PARVG: variants seen among roughly 807,000 people sequenced by gnomAD.
The protein encoded by PARVG is parvin gamma, also known as gamma-parvin.
A neutral mutation model predicts 44.4 loss-of-function variants in PARVG; 36 were observed. The observed-to-expected ratio is 0.81, with a 90% confidence interval of 0.62 to 1.07. The LOEUF (loss-of-function observed/expected upper bound fraction) is 1.07, where lower values mean the gene tolerates loss of function less well. Ranked by LOEUF, PARVG falls within the 50% of genes least tolerant of loss-of-function variation. The pLI is 0.00. For missense variants in PARVG, 407 were observed against 407.4 expected (o/e 1.00, Z 0.01); for synonymous variants, 170 against 174.1 (o/e 0.98, Z 0.19).
chr22:44,186,235 G>C, intron 4 of PARVG: 1 of 305,614 alleles, frequency 3.3e-6, no homozygotes, highest in South Asian at 2.9e-5. Context: ...GGTTTGACAC[G>C]AGCTGCCAGC....
At chr22:44,193,009 G>T (rs1236976371) in intron 8 of PARVG, among the ~76,000 whole-genome samples, 1 of 152,146 alleles carries the variant, frequency 6.6e-6, no homozygotes, top group Non-Finnish European at 1.5e-5. Flanking sequence ...TGAAGGCTTG[G>T]CTGGGGCTGG....
In PARVG at chr22:44,189,209, C is replaced by T. The variant is rs149519388; in HGVS notation, c.343C>T (p.Arg115Trp). 27 of 1,614,096 alleles carry T rather than the reference C, an allele frequency of 1.7e-5. No individual in the cohort carries two copies. Among genetic ancestry groups the T allele is most frequent in the African/African-American group, 4.0e-5 (3 of 74,944 alleles). Residue 115 changes from arginine to tryptophan, a missense_variant, in exon 6 of 14, where the codon CGG (arginine) becomes TGG (tryptophan). Arg to Trp is a moderately radical substitution (Grantham distance 101, BLOSUM62 -3). Transcript: ENST00000444313. ...CACAGTGGTGCTGGAGGCCGTGAAC[C>T]GGAGTCTGCAGCTGGAGGAGTGGCA... ...KLTVVLEAVN[R>W]SLQLEEWQAK...
upstream of PARVG, among the ~76,000 whole-genome samples, chr22:44,178,908 A>T (rs2054342721): frequency 6.6e-6 from 1 of 152,226 alleles, no homozygotes; most frequent in South Asian, 2.1e-4. Flanking sequence ...GTACTGTGTT[A>T]TGCAGGAGAA....
rs562870064 is a variant in PARVG, at chr22:44,182,208, C to G, written c.-13+291C>G. Among the ~76,000 whole-genome samples, 42 of 152,320 alleles carry G rather than the reference C, an allele frequency of 2.8e-4. No homozygotes were observed. Among genetic ancestry groups the G allele is most frequent in the African/African-American group, 9.9e-4 (41 of 41,572 alleles). The stretch of plus-strand genomic sequence containing the variant: ...GGCCCTGGGGCCAGGAAGGGGCTTG[C>G]CCAGGCTGCTGATCCCTTTGGGCAG... On this transcript the variant is annotated intron_variant, in intron 2 of 13. Coordinates refer to ENST00000444313, the MANE Select transcript of PARVG (RefSeq NM_022141.7). The surrounding 1 kb of genome is among the most constrained non-coding windows in gnomAD (Gnocchi z 4.6).
chr22:44,181,045 C>A lies in PARVG; in HGVS notation c.-329C>A, dbSNP rs757706460. On this transcript the variant is annotated 5_prime_UTR_variant, in exon 1 of 14. Coordinates refer to ENST00000444313, the MANE Select transcript of PARVG (RefSeq NM_022141.7). The stretch of plus-strand genomic sequence containing the variant: ...TTCTCCACCTGCCACGTTCTCACCC[C>A]TTCTTCTTCCACTGCAAACTCCTAT... The A allele has an allele frequency of 4.3e-6, 4 of 931,504 alleles. No individual in the cohort carries two copies. Among genetic ancestry groups the A allele is most frequent in the Non-Finnish European group, 5.1e-6 (4 of 780,966 alleles). The allele number at this position is 931,504 out of a possible 1,614,324, so 57.7% of individuals were successfully genotyped here. A position where few individuals can be genotyped will look rare whatever the true frequency, so the allele number is the denominator to read the frequency against.
chr22:44,175,452 C>T (rs996976754), intron 1 of PARVG, among the ~76,000 whole-genome samples: 7 of 152,370 alleles, frequency 4.6e-5, no homozygotes, highest in East Asian at 1.9e-4. Context: ...CTGTTCCTTC[C>T]GCAAGGACAG....
chr22:44,190,584 A>C lies in PARVG; in HGVS notation c.422A>C (p.His141Pro). The C allele has an allele frequency of 2.5e-6, 4 of 1,613,964 alleles. No individual in the cohort carries two copies. The highest frequency in any genetic ancestry group is 1.1e-5 in the South Asian group (1 of 91,058). ...AACAAGGACCTGTTGTCTACCCTGC[A>C]CCTCCTTGTGGCCCTGGCCAAGCGC... ...IFNKDLLSTL[H>P]LLVALAKRFQ... The change falls in exon 7 of 14, where the codon CAC becomes CCC. Residue 141 changes from histidine (H) to proline (P), a missense_variant. Physicochemically the swap from His to Pro is moderately conservative, Grantham distance 77. Coordinates refer to ENST00000444313, the MANE Select transcript of PARVG (RefSeq NM_022141.7).
intron 4 of PARVG, chr22:44,186,250 A>T: frequency 3.2e-6 from 1 of 315,434 alleles, no homozygotes; most frequent in East Asian, 7.7e-5. Flanking sequence ...GCCAGCCCCT[A>T]AGCCCGTGCT....
At chr22:44,180,686 TTA>T (rs914994238), upstream of PARVG, among the ~76,000 whole-genome samples, 2 of 152,194 alleles carry the variant, frequency 1.3e-5, no homozygotes, top group African/African-American at 4.8e-5. Flanking sequence ...GCCCTTAAAA[TTA>T]TGTTTGTTTC....
chr22:44,192,161 G>T, intron 8 of PARVG, 57 bp downstream of exon 8: 1 of 1,572,094 alleles, frequency 6.4e-7, no homozygotes, highest in Admixed American at 1.7e-5. Flanking sequence ...GTGGATGGGG[G>T]CAGGGTGGGG....
At chr22:44,179,614 G>T (rs937823109), upstream of PARVG, among the ~76,000 whole-genome samples, 1 of 152,140 alleles carries the variant, frequency 6.6e-6, no homozygotes, top group Non-Finnish European at 1.5e-5. This position sits in a 1 kb window ranked among gnomAD's most constrained non-coding sequence, Gnocchi z 4.2. Flanking sequence ...GCCATCACAG[G>T]CTACGATCTA....
chr22:44,193,649 T>A (rs1297720124), intron 8 of PARVG, 152 bp from the exon 9 acceptor site: 1 of 890,004 alleles, frequency 1.1e-6, no homozygotes, highest in African/African-American at 1.7e-5. Context: ...TTCTCTGCTA[T>A]CTGCCCTACC....
At chr22:44,179,184 T>C (rs1399670986), upstream of PARVG, among the ~76,000 whole-genome samples, 1 of 151,902 alleles carries the variant, frequency 6.6e-6, no homozygotes, top group Admixed American at 6.6e-5. The surrounding 1 kb of genome is among the most constrained non-coding windows in gnomAD (Gnocchi z 4.2). Context: ...TTAATTGGGG[T>C]TTGGGGGTGC....
chr22:44,195,992 C>A, intron 9 of PARVG, 163 bp from the exon 10 acceptor site: 1 of 698,988 alleles, frequency 1.4e-6, no homozygotes, highest in Non-Finnish European at 2.4e-6. Context: ...GCCAGGAGAG[C>A]AGTGACTCAA....
chr22:44,188,222 G>C, intron 5 of PARVG: 1 of 287,544 alleles, frequency 3.5e-6, no homozygotes, highest in Non-Finnish European at 6.8e-6. Flanking sequence ...GCTGCCCTAG[G>C]CTGCTAGAGA....
intron 12 of PARVG, 152 bp downstream of exon 12, chr22:44,198,874 C>CCATA (rs2054655329): frequency 1.7e-6 from 1 of 600,450 alleles, no homozygotes; most frequent in Non-Finnish European, 3.0e-6. Context: ...ATCCATCCAT[C>CCATA]CATCCATCCA....
chr22:44,206,264 C>T (rs1044039203), intron 13 of PARVG, 53 bp from the exon 14 acceptor site: 10 of 1,304,600 alleles, frequency 7.7e-6, no homozygotes, highest in East Asian at 2.3e-5. Flanking sequence ...TCGGGACAGT[C>T]GGTCACTGCC....
At chr22:44,205,886 A>G in intron 13 of PARVG, 57 bp downstream of exon 13, 1 of 1,576,834 alleles carries the variant, frequency 6.3e-7, no homozygotes, top group Non-Finnish European at 8.6e-7. Context: ...GCCTTGTGCG[A>G]GAGCCACAGA....
At chr22:44,205,994 G>T (rs1237882017) in intron 13 of PARVG, among the ~76,000 whole-genome samples, 165 bp downstream of exon 13, 1 of 152,174 alleles carries the variant, frequency 6.6e-6, no homozygotes, top group South Asian at 2.1e-4. Flanking sequence ...CTTGGGAGGG[G>T]GCACTGCAGC....
Sources: allele counts gnomAD v4.1 joint callset (sites outside exome capture counted in the v4.1 genomes callset), GRCh38; gene constraint gnomAD v4.1.1; non-coding constraint Gnocchi (gnomAD v3.1); transcripts MANE v1.5; gene names NCBI Gene and HGNC (gene_info 2026-07-23, HGNC 2026-07-21).